The following FILIP1L variants were observed in gnomAD, a reference collection of about 807,000 sequenced individuals.
FILIP1L encodes filamin A-interacting protein 1-like.
In FILIP1L, 55 loss-of-function variants were observed where a neutral mutation model predicts 96.6. That is an observed-to-expected ratio of 0.57 (90% confidence interval 0.46 to 0.71). The LOEUF (loss-of-function observed/expected upper bound fraction) is 0.71, where lower values mean the gene tolerates loss of function less well. Among genes scored for constraint, FILIP1L ranks in the 30% least tolerant of loss-of-function variants. FILIP1L has a pLI of 0.00. For synonymous variants in FILIP1L, 467 were observed against 473.9 expected, an observed-to-expected ratio of 0.99 and a Z score of 0.19; for missense variants, 1,304 against 1,321.2, an observed-to-expected ratio of 0.99 and a Z score of 0.20.
chr3:100,093,179 A>G (rs1025092744), intron 1 of FILIP1L, among the ~76,000 whole-genome samples: 1 of 152,172 alleles, frequency 6.6e-6, no homozygotes. Flanking sequence ...AAATCAAAAC[A>G]GGGACCTCTG....
chr3:99,989,560 A>G (rs1709450601), intron 1 of FILIP1L, among the ~76,000 whole-genome samples: 1 of 152,054 alleles, frequency 6.6e-6, no homozygotes, highest in African/African-American at 2.4e-5. Flanking sequence ...CTGCAGTTTC[A>G]CTGCTCTTGC....
chr3:100,044,995 G>A lies in FILIP1L; in HGVS notation c.-11+69058C>T, dbSNP rs555678286. 4.6e-5 allele frequency among the ~76,000 whole-genome samples: 7 copies of A among 152,284 alleles called. No individual in the cohort carries two copies. The South Asian group carries it at 1.2e-3, about 27-fold the overall frequency. ...AACATTTAGAGGAGAGTCTAGCCTG[G>A]GCGTAGAGAGGACTAGATCCTAAGC... On this transcript the variant is annotated intron_variant, in intron 1 of 5. Transcript: ENST00000477258.
At chr3:99,996,775 C>G (rs1354396344) in intron 1 of FILIP1L, among the ~76,000 whole-genome samples, 2 of 151,904 alleles carry the variant, frequency 1.3e-5, no homozygotes, top group Non-Finnish European at 2.9e-5. Flanking sequence ...ACCATGAGAA[C>G]AGTATGGGGA....
At chr3:100,066,439 C>G (rs1424499880) in intron 1 of FILIP1L, among the ~76,000 whole-genome samples, 1 of 145,076 alleles carries the variant, frequency 6.9e-6, no homozygotes, top group Non-Finnish European at 1.5e-5. Flanking sequence ...ATCTTGAAAA[C>G]AGACTAAATA....
intron 1 of FILIP1L, among the ~76,000 whole-genome samples, chr3:99,958,246 A>ATT (rs1708395051): frequency 7.5e-6 from 1 of 133,360 alleles, no homozygotes; most frequent in African/African-American, 3.0e-5. Flanking sequence ...TATTATTATT[A>ATT]TTATTTGAAG....
chr3:99,900,316 T>C (rs1405980777), intron 4 of FILIP1L, among the ~76,000 whole-genome samples: 3 of 152,192 alleles, frequency 2.0e-5, no homozygotes, highest in Non-Finnish European at 4.4e-5. Context: ...TAATAACAAC[T>C]AACACATACC....
intron 4 of FILIP1L, among the ~76,000 whole-genome samples, chr3:99,905,736 ATG>A (rs1210277434): frequency 6.6e-6 from 1 of 152,270 alleles, no homozygotes; most frequent in East Asian, 1.9e-4. Context: ...CCACCATTTG[ATG>A]TCTATTACTG....
chr3:100,014,330 T>G (rs1401833431), intron 1 of FILIP1L, among the ~76,000 whole-genome samples: 1 of 152,138 alleles, frequency 6.6e-6, no homozygotes, highest in African/African-American at 2.4e-5. Flanking sequence ...TTCAAGATAC[T>G]TATTTCATTT....
chr3:99,918,143 A>G (rs958994275), intron 4 of FILIP1L, among the ~76,000 whole-genome samples: 3 of 151,814 alleles, frequency 2.0e-5, no homozygotes, highest in Non-Finnish European at 4.4e-5. Context: ...ACGCCCGGCT[A>G]ATTTTTGTAT....
At chr3:100,075,327 A>G (rs2065833008) in intron 1 of FILIP1L, among the ~76,000 whole-genome samples, 1 of 152,258 alleles carries the variant, frequency 6.6e-6, no homozygotes, top group South Asian at 2.1e-4. Flanking sequence ...GGATACAGAG[A>G]CAACCCACAG....
At chr3:100,072,439 C>G (rs1224554114) in intron 1 of FILIP1L, among the ~76,000 whole-genome samples, 2 of 152,194 alleles carry the variant, frequency 1.3e-5, no homozygotes, top group Admixed American at 1.3e-4. Flanking sequence ...TGGATTCCCC[C>G]CTTTCTAGAT....
intron 1 of FILIP1L, among the ~76,000 whole-genome samples, chr3:100,089,019 G>A (rs1456659575): frequency 6.6e-6 from 1 of 152,166 alleles, no homozygotes; most frequent in Non-Finnish European, 1.5e-5. Context: ...ATCCTTTGAT[G>A]AAATAAGGAC....
At position 100,024,268 on chromosome 3, in the gene FILIP1L, A is replaced by T. The variant is rs748493403; in HGVS notation, c.-11+89785T>A. Among the ~76,000 whole-genome samples, 3 of 151,888 alleles carry T rather than the reference A, an allele frequency of 2.0e-5. No homozygotes were observed. In the South Asian group the frequency reaches 6.2e-4, roughly 32 times the overall value. On this transcript the variant is annotated intron_variant, in intron 1 of 5. Transcript: ENST00000477258. ...GTGTAGAGCCAAGGCCTTTTCTTTGATTATAGGTTTGCCGATTACAATTTC... is the reference window on the plus strand; with the variant it reads ...GTGTAGAGCCAAGGCCTTTTCTTTGTTTATAGGTTTGCCGATTACAATTTC...
chr3:99,937,017 A>T (rs1005164644), intron 1 of FILIP1L, among the ~76,000 whole-genome samples: 1 of 151,970 alleles, frequency 6.6e-6, no homozygotes, highest in Non-Finnish European at 1.5e-5. Flanking sequence ...GGGTCACTGC[A>T]ACCTCTGCCT....
intron 1 of FILIP1L, among the ~76,000 whole-genome samples, chr3:99,965,022 T>C (rs1708607189): frequency 6.6e-6 from 1 of 152,258 alleles, no homozygotes; most frequent in Admixed American, 6.5e-5. Flanking sequence ...TAGATACTGC[T>C]GTATCTGTAA....
intron 1 of FILIP1L, among the ~76,000 whole-genome samples, chr3:99,935,671 A>G (rs747968044): frequency 9.8e-5 from 15 of 152,292 alleles, no homozygotes; most frequent in South Asian, 2.1e-4. Context: ...AGACTGGATG[A>G]TCTTTGAAGT....
At chr3:99,876,028 C>T in intron 4 of FILIP1L, 1 of 984,982 alleles carries the variant, frequency 1.0e-6, no homozygotes, top group Non-Finnish European at 1.2e-6. Context: ...GGCTGTCTGA[C>T]AGCAGTGCCC....
intron 1 of FILIP1L, among the ~76,000 whole-genome samples, chr3:100,010,740 GAGT>G (rs1710124642): frequency 2.7e-5 from 4 of 148,300 alleles, no homozygotes; most frequent in Admixed American, 1.3e-4. Flanking sequence ...TCAGCCTCCT[GAGT>G]AGCTGGGATT....
chr3:99,848,079 GA>G (rs2107520019), intron 5 of FILIP1L: 1 of 1,327,184 alleles, frequency 7.5e-7, no homozygotes. Context: ...GTATGTAAAT[GA>G]AAAGATATAC....
Sources: gnomAD v4.1 joint callset for allele counts (sites outside exome capture counted in the v4.1 genomes callset) on GRCh38, gnomAD v4.1.1 for gene constraint, MANE v1.5 for transcripts, NCBI Gene and HGNC (gene_info 2026-07-23, HGNC 2026-07-21) for gene names.